The following GIGYF2 variants were observed in gnomAD, a reference collection of about 807,000 sequenced individuals.
GIGYF2 encodes GRB10-interacting GYF protein 2.
A neutral mutation model predicts 208.1 loss-of-function variants in GIGYF2; 25 were observed. That is an observed-to-expected ratio of 0.12 (90% CI 0.09 to 0.17). The LOEUF is 0.17. Among genes scored for constraint, GIGYF2 ranks in the 10% least tolerant of loss-of-function variants. GIGYF2 has a pLI of 1.00. For synonymous variants in GIGYF2, 534 were observed against 543.8 expected (o/e 0.98, Z 0.25); for missense variants, 1,302 against 1,579.4 (o/e 0.82, Z 2.98).
Position 232,806,558 on chromosome 2 carries a change from G to A in GIGYF2, c.1707G>A (p.Val569=). 6.2e-7 allele frequency: 1 copy of A among 1,610,374 alleles called. No individual in the cohort carries two copies. Among genetic ancestry groups the A allele is most frequent in the South Asian group, 1.1e-5 (1 of 91,012 alleles). Residue 569 remains valine, a synonymous_variant, in exon 15 of 29, where the codon GTG becomes GTA. Coordinates refer to ENST00000373563, the MANE Select transcript of GIGYF2 (RefSeq NM_001103146.3). The surrounding 1 kb of genome is among the most constrained non-coding windows in gnomAD (Gnocchi z 4.0). ...QAGYFTMSLL[V]KRACDESFQP... The stretch of plus-strand genomic sequence containing the variant: ...GCTATTTTACTATGTCTTTATTGGT[G>A]AAGAGAGCGTGTGATGAAAGCTTCC...
rs746450842 is a variant in GIGYF2 at position 232,791,265 on chromosome 2, T to G, written c.1101T>G (p.Ser367Arg). The change falls in exon 12 of 29, where the codon AGT becomes AGG. Residue 367 changes from serine (S) to arginine (R), a missense_variant. Physicochemically the swap from Ser to Arg is moderately radical, Grantham distance 110 (BLOSUM62 -1). Around this residue, in one of 8 missense-constraint regions of GIGYF2, gnomAD observed 235 missense variants for 218.8 expected, o/e 1.07. Transcript: ENST00000373563. ...EKTDRVGVEA[S>R]EETPQTSSSS... ...GATTACTTCGTGTTCCAGAAGCTAG[T>G]GAGGAAACTCCCCAGACCTCATCAT... The G allele has an allele frequency of 6.2e-7, 1 of 1,614,078 alleles. No individual in the cohort carries two copies. The highest frequency in any genetic ancestry group is 8.5e-7 in the Non-Finnish European group (1 of 1,179,960).
At chr2:232,712,129 A>G (rs1047108102) in intron 2 of GIGYF2, among the ~76,000 whole-genome samples, 2 of 152,204 alleles carry the variant, frequency 1.3e-5, no homozygotes, top group Non-Finnish European at 2.9e-5. Flanking sequence ...TATAATTGGC[A>G]ACAGGTACTC....
Position 232,733,618 on chromosome 2 carries a change from T to C in GIGYF2, c.-43-1537T>C, listed in dbSNP as rs573523784. 2.0e-5 allele frequency among the ~76,000 whole-genome samples: 3 copies of C among 152,324 alleles called. No homozygotes were observed. The South Asian group carries it at 6.2e-4, about 32-fold the overall frequency. On this transcript the variant is annotated intron_variant, in intron 2 of 28. Transcript: ENST00000373563. The stretch of plus-strand genomic sequence containing the variant: ...GATGTATCTTAGAGATATTTTACAG[T>C]ATACAGTTGTCCCTCAGTATCCATG...
At chr2:232,784,187 A>G (rs1036398992) in intron 8 of GIGYF2, among the ~76,000 whole-genome samples, 7 of 152,282 alleles carry the variant, frequency 4.6e-5, no homozygotes, top group African/African-American at 1.7e-4. Context: ...GAAACTGAAT[A>G]AATTATACAG....
At chr2:232,742,699 T>C (rs917148091) in intron 3 of GIGYF2, among the ~76,000 whole-genome samples, 1 of 152,174 alleles carries the variant, frequency 6.6e-6, no homozygotes, top group Non-Finnish European at 1.5e-5. Flanking sequence ...CTTGAGAGAC[T>C]GAGGATTTAA....
intron 14 of GIGYF2, among the ~76,000 whole-genome samples, chr2:232,804,812 C>T (rs1700510798): frequency 6.6e-6 from 1 of 151,996 alleles, no homozygotes; most frequent in Non-Finnish European, 1.5e-5. Context: ...ATTTTCATTC[C>T]GTTGTGTGTA....
intron 22 of GIGYF2, among the ~76,000 whole-genome samples, chr2:232,835,083 T>C (rs760024265): frequency 5.9e-5 from 9 of 152,190 alleles, no homozygotes; most frequent in Non-Finnish European, 1.2e-4. Flanking sequence ...AGTGAGAACA[T>C]GCAGTATTTG....
intron 2 of GIGYF2, among the ~76,000 whole-genome samples, chr2:232,704,882 C>G (rs1480491647): frequency 1.7e-4 from 5 of 30,098 alleles, no homozygotes; most frequent in African/African-American, 5.7e-4. Context: ...TTTTTTGAGA[C>G]AGAGTCTCGC....
At chr2:232,775,488 T>TA (rs1255438582) in intron 8 of GIGYF2, among the ~76,000 whole-genome samples, 5 of 152,222 alleles carry the variant, frequency 3.3e-5, no homozygotes, top group Non-Finnish European at 5.9e-5. Flanking sequence ...TCGTATGGTT[T>TA]AAAAAATTAT....
At position 232,758,303 on chromosome 2, in the gene GIGYF2, C is replaced by T. The variant is rs540376104; in HGVS notation, c.379+1969C>T. 7.2e-5 allele frequency among the ~76,000 whole-genome samples: 11 copies of T among 152,214 alleles called. No individual in the cohort carries two copies. In the South Asian group the frequency reaches 2.3e-3, roughly 32 times the overall value. On this transcript the variant is annotated intron_variant, in intron 6 of 28. Transcript: ENST00000373563. ...TTTCCAGGCTGCTAAATATCATGTA[C>T]TAGTAAAATTTAAATAAACTAAATA... is the stretch of plus-strand genomic sequence containing the variant.
At chr2:232,833,141 A>G (rs1270874574) in intron 22 of GIGYF2, 48 bp downstream of exon 22, 11 of 1,304,650 alleles carry the variant, frequency 8.4e-6, no homozygotes, top group Non-Finnish European at 1.2e-5. Context: ...AACATTTTTT[A>G]GTTAGGTAGG....
At chr2:232,844,643 G>T (rs1399501551) in intron 25 of GIGYF2, 69 bp downstream of exon 25, 5 of 1,026,566 alleles carry the variant, frequency 4.9e-6, no homozygotes, top group Non-Finnish European at 7.6e-6. Context: ...GAAGTGGGAT[G>T]TTGGGTGGGC....
At chr2:232,704,856 A>ATTTTTTTTTTTTTTTTT (rs10689292) in intron 2 of GIGYF2, among the ~76,000 whole-genome samples, 1 of 101,958 alleles carries the variant, frequency 9.8e-6, no homozygotes, top group African/African-American at 3.9e-5. Flanking sequence ...TAACTTCTGG[A>ATTTTTTTTTTTTTTTTT]TTTTTTTTTT....
intron 8 of GIGYF2, among the ~76,000 whole-genome samples, chr2:232,781,326 TATAAAG>T (rs1699716631): frequency 1.0e-5 from 1 of 97,494 alleles, no homozygotes. Context: ...ACACACAACT[TATAAAG>T]ATAATGGTCT....
In GIGYF2 at chr2:232,798,960, ATTGC is replaced by A. The variant is rs1349456077; in HGVS notation, c.1639+2740_1639+2743del. On this transcript the variant is annotated intron_variant, in intron 14 of 28. Coordinates refer to ENST00000373563, the MANE Select transcript of GIGYF2 (RefSeq NM_001103146.3). Reference sequence around the variant, plus strand: ...TTTCCTCCAGTCCCTGGCAATTACCATTGCCAGGGACTGGAGGAAATCTGTTTCT... The same window carrying A: ...TTTCCTCCAGTCCCTGGCAATTACCACAGGGACTGGAGGAAATCTGTTTCT... Among the ~76,000 whole-genome samples the A allele has an allele frequency of 1.3e-5, 2 of 149,510 alleles. 1 individual carries two copies. The highest frequency in any genetic ancestry group is 4.0e-4 in the East Asian group (2 of 5,038).
At chr2:232,797,246 T>G (rs1325062192) in intron 14 of GIGYF2, among the ~76,000 whole-genome samples, 1 of 152,222 alleles carries the variant, frequency 6.6e-6, no homozygotes, top group Admixed American at 6.5e-5. Flanking sequence ...TTGTTGATTC[T>G]TCATTTCTGC....
chr2:232,816,612 G>A (rs1574917568), intron 19 of GIGYF2, among the ~76,000 whole-genome samples: 1 of 152,192 alleles, frequency 6.6e-6, no homozygotes, highest in Admixed American at 6.5e-5. Context: ...ACTGTGATAT[G>A]TCACAGCTTA....
intron 15 of GIGYF2, among the ~76,000 whole-genome samples, chr2:232,808,420 CTG>C (rs1700625172): frequency 6.6e-6 from 1 of 152,200 alleles, no homozygotes; most frequent in South Asian, 2.1e-4. Flanking sequence ...AGGAGGGAAA[CTG>C]TGCAAAGCCC....
At chr2:232,854,666 CT>C (rs1419852078) in intron 28 of GIGYF2, among the ~76,000 whole-genome samples, 1 of 151,938 alleles carries the variant, frequency 6.6e-6, no homozygotes, top group Middle Eastern at 3.2e-3. Context: ...GGTACCACAG[CT>C]TTTTTGGTTA....
Sources: allele counts gnomAD v4.1 joint callset (sites outside exome capture counted in the v4.1 genomes callset), GRCh38; gene constraint gnomAD v4.1.1; regional missense constraint gnomAD v4.1.1; non-coding constraint Gnocchi (gnomAD v3.1); transcripts MANE v1.5; gene names NCBI Gene and HGNC (gene_info 2026-07-23, HGNC 2026-07-21).